Variants in CHST12 observed in about 807,000 individuals in gnomAD.
CHST12 encodes carbohydrate sulfotransferase 12, also known as carbohydrate (chondroitin 4) sulfotransferase 12.
In CHST12, 23 loss-of-function variants were observed where a neutral mutation model predicts 27.9. That is an observed-to-expected ratio of 0.82 (90% confidence interval 0.59 to 1.17). CHST12 has a LOEUF of 1.17. CHST12 is among the 50% of genes most tolerant of loss of function. CHST12 has a pLI of 0.00. For missense variants in CHST12, 682 were observed against 603.0 expected, an observed-to-expected ratio of 1.13 and a Z score of -1.37; for synonymous variants, 322 against 273.0, an observed-to-expected ratio of 1.18 and a Z score of -1.77.
chr7:2,410,393 A>C (rs1781637135), intron 1 of CHST12, among the ~76,000 whole-genome samples: 2 of 152,108 alleles, frequency 1.3e-5, no homozygotes, highest in Admixed American at 1.3e-4. Flanking sequence ...CACGCCTGTA[A>C]TCCTGACATT....
At chr7:2,423,960 G>A (rs1430121613) in intron 1 of CHST12, among the ~76,000 whole-genome samples, 1 of 152,202 alleles carries the variant, frequency 6.6e-6, no homozygotes, top group Admixed American at 6.5e-5. Flanking sequence ...CCAGCTACTT[G>A]GGAAACTGAG....
At position 2,443,592 on chromosome 7, in the gene CHST12, T is replaced by C. The variant is rs993719349; in HGVS notation, c.*9708T>C. The C allele has an allele frequency of 6.6e-6, 1 of 152,184 alleles. No homozygotes were observed. The highest frequency in any genetic ancestry group is 2.4e-5 in the African/African-American group (1 of 41,452). 9.4% of individuals were successfully genotyped at this position (152,184 alleles called of 1,614,324 possible). A position where few individuals can be genotyped will look rare whatever the true frequency, so the allele number is the denominator to read the frequency against. ...TGGAGGAATTGAATTTCAATTCTTA[T>C]TATTACCAAAAATACTTAAAATTCT... On this transcript the variant is annotated 3_prime_UTR_variant, in exon 2 of 2. Coordinates refer to ENST00000618655, the MANE Select transcript of CHST12 (RefSeq NM_018641.5).
intron 1 of CHST12, among the ~76,000 whole-genome samples, chr7:2,413,470 T>C (rs906437904): frequency 6.6e-6 from 1 of 152,238 alleles, no homozygotes; most frequent in Non-Finnish European, 1.5e-5. Context: ...ATATTCACCT[T>C]GTACCTGCCT....
chr7:2,433,321 C>A lies in CHST12; in HGVS notation c.682C>A (p.Arg228Ser). Residue 228 changes from arginine to serine, a missense_variant, in exon 2 of 2, where the codon CGC becomes AGC. Coordinates refer to ENST00000618655, the MANE Select transcript of CHST12 (RefSeq NM_018641.5). The surrounding 1 kb of genome is among the most constrained non-coding windows in gnomAD (Gnocchi z 6.1). ...CTGGCGCCGCTACGGGAAGCTCTCCCGCCACCTCATGAAGGTCAAGCTCAA... is the reference window on the plus strand; with the variant it reads ...CTGGCGCCGCTACGGGAAGCTCTCCAGCCACCTCATGAAGGTCAAGCTCAA... ...KFWRRYGKLS[R>S]HLMKVKLKKY... 6.2e-7 allele frequency: 1 copy of A among 1,612,790 alleles called. No individual in the cohort carries two copies. The highest frequency in any genetic ancestry group is 8.5e-7 in the Non-Finnish European group (1 of 1,179,766).
Position 2,434,108 on chromosome 7 carries a change from G to T in CHST12, c.*224G>T. Reference sequence around the variant, plus strand: ...AAAATATCCCCTCTCCCCTCCGCCCGCCCACCCGCCCGCCCGCTCGCCCGC... The same window carrying T: ...AAAATATCCCCTCTCCCCTCCGCCCTCCCACCCGCCCGCCCGCTCGCCCGC... On this transcript the variant is annotated 3_prime_UTR_variant, in exon 2 of 2. Coordinates refer to ENST00000618655, the MANE Select transcript of CHST12 (RefSeq NM_018641.5). 2.7e-6 allele frequency: 1 copy of T among 369,032 alleles called. No homozygotes were observed. Among genetic ancestry groups the T allele is most frequent in the Non-Finnish European group, 4.8e-6 (1 of 208,368 alleles). 22.9% of individuals were successfully genotyped at this position (369,032 alleles called of 1,614,324 possible).
Position 2,433,908 on chromosome 7 carries a change from G to A in CHST12, c.*24G>A, listed in dbSNP as rs1310848361. On this transcript the variant is annotated 3_prime_UTR_variant, in exon 2 of 2. Transcript: ENST00000618655. This position sits in a 1 kb window ranked among gnomAD's most constrained non-coding sequence, Gnocchi z 6.1. ...GAAAGCTTTCGCGTTGCTTTTTCTC[G>A]CGTGCCTGGAACCTGACGCACGCGC... 1.9e-6 allele frequency: 3 copies of A among 1,538,568 alleles called. No homozygotes were observed. Among genetic ancestry groups the A allele is most frequent in the East Asian group, 2.3e-5 (1 of 43,976 alleles).
chr7:2,433,518 C>T lies in CHST12; in HGVS notation c.879C>T (p.Arg293=), dbSNP rs931224686. The part of the protein sequence containing the change: ...SLPASAREAF[R]AGLKVSFANF... ...CCGCCTCGGCGCGCGAGGCCTTCCGCGCTGGCCTCAAGGTGTCCTTCGCCA... is the reference window on the plus strand; with the variant it reads ...CCGCCTCGGCGCGCGAGGCCTTCCGTGCTGGCCTCAAGGTGTCCTTCGCCA... The change falls in exon 2 of 2, where the codon CGC becomes CGT. Residue 293 remains arginine, a synonymous_variant. Transcript: ENST00000618655. This position sits in a 1 kb window ranked among gnomAD's most constrained non-coding sequence, Gnocchi z 6.1. 13 of 1,612,654 alleles carry T rather than the reference C, an allele frequency of 8.1e-6. No individual in the cohort carries two copies. Among genetic ancestry groups the T allele is most frequent in the Admixed American group, 6.7e-5 (4 of 59,994 alleles).
rs562528762 is a variant in CHST12 at position 2,444,681 on chromosome 7, T to G, written c.*10797T>G. 5 of 152,356 alleles carry G rather than the reference T, an allele frequency of 3.3e-5. No homozygotes were observed. The East Asian group carries it at 9.6e-4, about 29-fold the overall frequency. The allele number at this position is 152,356 out of a possible 1,614,324, so 9.4% of individuals were successfully genotyped here. Reference sequence around the variant, plus strand: ...CTGAGGCATGGTTCTGGAATGGGTTTTTCCGCCCACAGGCACTCAAGGAGG... The same window carrying G: ...CTGAGGCATGGTTCTGGAATGGGTTGTTCCGCCCACAGGCACTCAAGGAGG... On this transcript the variant is annotated 3_prime_UTR_variant, in exon 2 of 2. Transcript: ENST00000618655.
At chr7:2,420,008 C>T (rs1288360058) in intron 1 of CHST12, among the ~76,000 whole-genome samples, 27 of 127,176 alleles carry the variant, frequency 2.1e-4, no homozygotes, top group African/African-American at 7.7e-4. Flanking sequence ...GAGTCTCGCT[C>T]TGTTGCCCAG....
rs539866275 is a variant in CHST12 at position 2,417,739 on chromosome 7, CCT to C, written c.-78+14070_-78+14071del. On this transcript the variant is annotated intron_variant, in intron 1 of 1. Coordinates refer to ENST00000618655, the MANE Select transcript of CHST12 (RefSeq NM_018641.5). ...GGGCCTTCAGTGGACTGGCTGAGGC[CCT>C]CTCATACTGGGAGGGCATCCGATAT... 1.7e-3 allele frequency among the ~76,000 whole-genome samples: 263 copies of C among 152,122 alleles called. 1 individual carries two copies. The highest frequency in any genetic ancestry group is 5.6e-3 in the African/African-American group (231 of 41,540).
chr7:2,423,014 G>A (rs935551578), intron 1 of CHST12, among the ~76,000 whole-genome samples: 1 of 151,934 alleles, frequency 6.6e-6, no homozygotes. Flanking sequence ...AGTGGCTCAC[G>A]CCTGTCATTC....
At chr7:2,424,339 A>G (rs1782050961) in intron 1 of CHST12, among the ~76,000 whole-genome samples, 1 of 151,772 alleles carries the variant, frequency 6.6e-6, no homozygotes. Flanking sequence ...GACTCTAAAG[A>G]ATATAAAGAA....
At chr7:2,408,540 A>G (rs527369212) in intron 1 of CHST12, among the ~76,000 whole-genome samples, 1 of 152,298 alleles carries the variant, frequency 6.6e-6, no homozygotes, top group East Asian at 1.9e-4. Flanking sequence ...TACAATTAAA[A>G]TGAAAAGAAG....
intron 1 of CHST12, among the ~76,000 whole-genome samples, chr7:2,408,577 A>C (rs977124954): frequency 6.6e-6 from 1 of 152,202 alleles, no homozygotes; most frequent in Non-Finnish European, 1.5e-5. Context: ...TTTTCAAAGC[A>C]GCACTGGGTG....
Position 2,436,189 on chromosome 7 carries a change from T to C in CHST12, c.*2305T>C, listed in dbSNP as rs1297187001. On this transcript the variant is annotated 3_prime_UTR_variant, in exon 2 of 2. Coordinates refer to ENST00000618655, the MANE Select transcript of CHST12 (RefSeq NM_018641.5). ...TTAACCATTGTTAAGTGCACTGTTG[T>C]GTGGCATTAAGCACATTCGTATTGT... 2 of 152,272 alleles carry C rather than the reference T, an allele frequency of 1.3e-5. No individual in the cohort carries two copies. The highest frequency in any genetic ancestry group is 6.5e-5 in the Admixed American group (1 of 15,284). 9.4% of individuals were successfully genotyped at this position (152,272 alleles called of 1,614,324 possible).
At position 2,434,600 on chromosome 7, in the gene CHST12, A is replaced by C. The variant is rs910145464; in HGVS notation, c.*716A>C. The C allele has an allele frequency of 3.3e-5, 5 of 152,898 alleles. No individual in the cohort carries two copies. The highest frequency in any genetic ancestry group is 1.3e-4 in the African/African-American group (5 of 38,368). 9.5% of individuals were successfully genotyped at this position (152,898 alleles called of 1,614,324 possible). The stretch of plus-strand genomic sequence containing the variant: ...CTACTAAAAAAAAAAAAAAAAAAAA[A>C]AAAAAAAAAAAAAAAATGAGTCGGG... On this transcript the variant is annotated 3_prime_UTR_variant, in exon 2 of 2. Transcript: ENST00000618655.
rs1336028187 is a variant in CHST12, at chr7:2,446,771, G to T, written c.*12887G>T. The T allele has an allele frequency of 6.6e-6, 1 of 152,406 alleles. No individual in the cohort carries two copies. Among genetic ancestry groups the T allele is most frequent in the African/African-American group, 2.4e-5 (1 of 41,456 alleles). 9.4% of individuals were successfully genotyped at this position (152,406 alleles called of 1,614,324 possible). A position where few individuals can be genotyped will look rare whatever the true frequency, so the allele number is the denominator to read the frequency against. On this transcript the variant is annotated 3_prime_UTR_variant, in exon 2 of 2. Coordinates refer to ENST00000618655, the MANE Select transcript of CHST12 (RefSeq NM_018641.5). ...TCTGGTACAAGATCAACCCCGTGGG[G>T]TGGTGAGTGCTGCAGCCCCGGGCCT...
At position 2,419,740 on chromosome 7, in the gene CHST12, A is replaced by C. The variant is rs183353057; in HGVS notation, c.-77-12823A>C. ...AAAAAAAAAAATTACCATTGTAACC[A>C]TTTTTAAGCATGCAGTTTGGTGGTG... On this transcript the variant is annotated intron_variant, in intron 1 of 1. Coordinates refer to ENST00000618655, the MANE Select transcript of CHST12 (RefSeq NM_018641.5). 9.2e-4 allele frequency among the ~76,000 whole-genome samples: 139 copies of C among 151,150 alleles called. 1 individual carries two copies. Among genetic ancestry groups the C allele is most frequent in the African/African-American group, 3.3e-3 (135 of 41,138 alleles).
rs957079498 is a variant in CHST12 at position 2,439,231 on chromosome 7, G to C, written c.*5347G>C. On this transcript the variant is annotated 3_prime_UTR_variant, in exon 2 of 2. Transcript: ENST00000618655. ...CCATCAGTGAAGAGAGAAGCCACGT[G>C]ACCTGAGGATGCAGGGCACTGTTCA... 1.4e-4 allele frequency: 21 copies of C among 152,118 alleles called. No homozygotes were observed. The highest frequency in any genetic ancestry group is 5.1e-4 in the African/African-American group (21 of 41,440). The allele number at this position is 152,118 out of a possible 1,614,324, so 9.4% of individuals were successfully genotyped here. A position where few individuals can be genotyped will look rare whatever the true frequency, so the allele number is the denominator to read the frequency against.
Sources: allele counts gnomAD v4.1 joint callset (sites outside exome capture counted in the v4.1 genomes callset), GRCh38; gene constraint gnomAD v4.1.1; non-coding constraint Gnocchi (gnomAD v3.1); transcripts MANE v1.5; gene names NCBI Gene and HGNC (gene_info 2026-07-23, HGNC 2026-07-21).